GLI3: variants seen among roughly 807,000 people sequenced by gnomAD.
GLI3 encodes the protein GLI family zinc finger 3, also known as transcription activator GLI3.
In GLI3, 20 loss-of-function variants were observed where a neutral mutation model predicts 100.8. That is an observed-to-expected ratio of 0.20 (90% CI 0.14 to 0.29). The LOEUF is 0.29. Ranked by LOEUF, GLI3 falls within the 10% of genes least tolerant of loss-of-function variation. GLI3 has a pLI of 1.00. For missense variants in GLI3, 2,040 were observed against 2,128.5 expected (o/e 0.96, Z 0.82); for synonymous variants, 938 against 860.5 (o/e 1.09, Z -1.58).
chr7:42,139,451 G>A lies in GLI3; in HGVS notation c.367+8775C>T, dbSNP rs770274566. Among the ~76,000 whole-genome samples the A allele has an allele frequency of 4.6e-5, 7 of 152,186 alleles. No homozygotes were observed. The South Asian group carries it at 1.0e-3, about 23-fold the overall frequency. On this transcript the variant is annotated intron_variant, in intron 3 of 14. Transcript: ENST00000395925. ...TCCCAGCACTTTGGGAGGCCGAGAC[G>A]GGCAGATCACTTGAGGTTAGGAGTT...
intron 1 of GLI3, among the ~76,000 whole-genome samples, chr7:42,255,773 T>C (rs751344838): frequency 6.6e-6 from 1 of 152,180 alleles, no homozygotes; most frequent in Non-Finnish European, 1.5e-5. Flanking sequence ...CGATGGACAG[T>C]CATATAAGTG....
chr7:42,221,086 CA>C (rs1788477074), intron 2 of GLI3, among the ~76,000 whole-genome samples: 1 of 152,186 alleles, frequency 6.6e-6, no homozygotes, highest in Non-Finnish European at 1.5e-5. Context: ...AACACTGCAG[CA>C]CAAACATTTG....
chr7:42,088,613 G>A (rs763433148), intron 3 of GLI3, among the ~76,000 whole-genome samples: 17 of 152,174 alleles, frequency 1.1e-4, no homozygotes, highest in Non-Finnish European at 2.2e-4. Flanking sequence ...AAAAGGCAGA[G>A]GCCACTCATT....
intron 3 of GLI3, among the ~76,000 whole-genome samples, chr7:42,127,956 T>C (rs1466860795): frequency 2.7e-5 from 4 of 150,008 alleles, no homozygotes; most frequent in South Asian, 2.1e-4. Context: ...GAGGCGGAAG[T>C]TGCAGTGAGC....
intron 10 of GLI3, among the ~76,000 whole-genome samples, chr7:41,993,102 G>A (rs748058447): frequency 6.6e-6 from 1 of 152,172 alleles, no homozygotes; most frequent in Non-Finnish European, 1.5e-5. Flanking sequence ...GAATACAGAT[G>A]AGTGGTCACC....
chr7:42,012,094 A>G (rs935151868), intron 10 of GLI3, among the ~76,000 whole-genome samples: 5 of 152,176 alleles, frequency 3.3e-5, no homozygotes, highest in African/African-American at 9.6e-5. Context: ...TCAGCGCAAT[A>G]TAAATTACGG....
intron 2 of GLI3, chr7:42,152,072 T>G (rs184626748): frequency 6.6e-6 from 1 of 152,202 alleles, no homozygotes; most frequent in Admixed American, 6.6e-5. Flanking sequence ...GGTTTCGGGT[T>G]TTTTTGTTTT....
At chr7:42,231,405 A>G (rs1788693750) in intron 1 of GLI3, among the ~76,000 whole-genome samples, 1 of 152,234 alleles carries the variant, frequency 6.6e-6, no homozygotes, top group Admixed American at 6.5e-5. Flanking sequence ...CCCATGGTCC[A>G]CTTACCCTAT....
In GLI3 at chr7:41,972,347, T is replaced by C. The variant is rs1203290603; in HGVS notation, c.2093A>G (p.Glu698Gly). The change falls in exon 13 of 15, where the codon GAG becomes GGG. Residue 698 changes from glutamate (E) to glycine (G), a missense_variant. Around this residue, in one of 5 missense-constraint regions of GLI3, gnomAD observed 327 missense variants for 338.7 expected, o/e 0.97. Transcript: ENST00000395925. The surrounding 1 kb of genome is among the most constrained non-coding windows in gnomAD (Gnocchi z 4.4). ...GAGTGAATGACATACCATTGGCTTC[T>C]CTGCCTTGACGGTTTTCACCTGGAG... ...ECLQVKTVKAEKPMTSQPSPG... is the reference protein window; with the variant it reads ...ECLQVKTVKAGKPMTSQPSPG... The C allele has an allele frequency of 6.2e-7, 1 of 1,614,026 alleles. No individual in the cohort carries two copies. The highest frequency in any genetic ancestry group is 1.1e-5 in the South Asian group (1 of 91,072).
At chr7:42,015,295 T>C (rs908930202) in intron 10 of GLI3, among the ~76,000 whole-genome samples, 1 of 152,158 alleles carries the variant, frequency 6.6e-6, no homozygotes, top group African/African-American at 2.4e-5. Flanking sequence ...TACTGGTAAC[T>C]GGGTGGGGTC....
At chr7:42,060,421 A>C (rs942624472) in intron 4 of GLI3, among the ~76,000 whole-genome samples, 1 of 152,162 alleles carries the variant, frequency 6.6e-6, no homozygotes, top group African/African-American at 2.4e-5. Flanking sequence ...GATTTACCTT[A>C]GTTAAGATGA....
intron 3 of GLI3, among the ~76,000 whole-genome samples, chr7:42,102,799 T>C (rs1391261902): frequency 1.3e-5 from 2 of 152,192 alleles, no homozygotes; most frequent in African/African-American, 2.4e-5. Flanking sequence ...AGCAGGGTCA[T>C]TTGAAACTTT....
chr7:42,013,696 CA>C (rs757686248), intron 10 of GLI3, among the ~76,000 whole-genome samples: 2 of 151,834 alleles, frequency 1.3e-5, no homozygotes, highest in Non-Finnish European at 2.9e-5. Flanking sequence ...TTGCACAAAG[CA>C]AAATAATGAC....
chr7:42,186,306 C>T (rs535629623), intron 2 of GLI3, among the ~76,000 whole-genome samples: 1 of 152,298 alleles, frequency 6.6e-6, no homozygotes, highest in South Asian at 2.1e-4. Context: ...CTGCGTTTCA[C>T]CCTAGTTGGA....
At chr7:42,260,265 T>C (rs1424739430) in intron 1 of GLI3, among the ~76,000 whole-genome samples, 2 of 152,172 alleles carry the variant, frequency 1.3e-5, no homozygotes, top group Non-Finnish European at 2.9e-5. Context: ...CAGAATCAAG[T>C]CCATGAATGT....
chr7:41,976,544 CTCTG>C (rs1787518789), intron 12 of GLI3, among the ~76,000 whole-genome samples: 1 of 152,182 alleles, frequency 6.6e-6, no homozygotes, highest in African/African-American at 2.4e-5. Context: ...CTGCCCAGCT[CTCTG>C]TCTGAAAGAT....
At chr7:42,168,000 A>G (rs1787277963) in intron 2 of GLI3, among the ~76,000 whole-genome samples, 1 of 152,238 alleles carries the variant, frequency 6.6e-6, no homozygotes, top group Non-Finnish European at 1.5e-5. Context: ...AAACCTAGGA[A>G]GGTTGCTTAT....
intron 4 of GLI3, among the ~76,000 whole-genome samples, chr7:42,061,731 T>C (rs1390533993): frequency 6.6e-6 from 1 of 152,208 alleles, no homozygotes; most frequent in Non-Finnish European, 1.5e-5. Flanking sequence ...AAAATTAAAT[T>C]ACATATGGAA....
intron 3 of GLI3, among the ~76,000 whole-genome samples, chr7:42,121,918 T>C (rs1490145577): frequency 1.3e-5 from 2 of 152,256 alleles, no homozygotes; most frequent in African/African-American, 4.8e-5. Context: ...GATCTTAAAA[T>C]TAAAAGGTAC....
Sources: allele counts gnomAD v4.1 joint callset (sites outside exome capture counted in the v4.1 genomes callset), GRCh38; gene constraint gnomAD v4.1.1; regional missense constraint gnomAD v4.1.1; non-coding constraint Gnocchi (gnomAD v3.1); transcripts MANE v1.5; gene names NCBI Gene and HGNC (gene_info 2026-07-23, HGNC 2026-07-21).